The following LSAMP variants were observed in gnomAD, a reference collection of about 807,000 sequenced individuals.
LSAMP encodes the protein limbic system-associated membrane protein.
LSAMP carries 7 observed loss-of-function variants against 38.6 expected under a neutral mutation model. The observed-to-expected ratio is 0.18, with a 90% confidence interval of 0.10 to 0.34. LSAMP has a LOEUF of 0.34. LSAMP is among the 10% of genes least tolerant of loss of function. LSAMP has a pLI of 1.00. For synonymous variants in LSAMP, 154 were observed against 166.8 expected (o/e 0.92, Z 0.59); for missense variants, 313 against 420.0 (o/e 0.75, Z 2.23).
chr3:115,826,490 C>T (rs1333700349), intron 6 of LSAMP, among the ~76,000 whole-genome samples: 1 of 152,096 alleles, frequency 6.6e-6, no homozygotes, highest in Non-Finnish European at 1.5e-5. Context: ...TTTGTTCTCC[C>T]CAAACACCTA....
chr3:116,004,483 T>C (rs1240479142), intron 3 of LSAMP, among the ~76,000 whole-genome samples: 7 of 149,894 alleles, frequency 4.7e-5, no homozygotes, highest in Non-Finnish European at 7.4e-5. Flanking sequence ...CTATTATGCA[T>C]ACATACATGA....
chr3:116,227,611 T>C (rs948392955), intron 1 of LSAMP, among the ~76,000 whole-genome samples: 1 of 150,684 alleles, frequency 6.6e-6, no homozygotes, highest in African/African-American at 2.4e-5. Context: ...CTTACCCTTC[T>C]CCATTTTTTT....
chr3:116,240,505 T>G (rs2046518877), intron 1 of LSAMP, among the ~76,000 whole-genome samples: 1 of 152,160 alleles, frequency 6.6e-6, no homozygotes, highest in African/African-American at 2.4e-5. Flanking sequence ...CTAAGTATGG[T>G]TGGCACAATG....
intron 1 of LSAMP, among the ~76,000 whole-genome samples, chr3:116,333,470 G>A (rs146578721): frequency 6.6e-6 from 1 of 150,836 alleles, no homozygotes; most frequent in African/African-American, 2.4e-5. Context: ...GGAGGCGGAG[G>A]TTGCAGTGAG....
Position 116,109,659 on chromosome 3 carries a change from A to G in LSAMP, c.156-23103T>C, listed in dbSNP as rs13081875. Among the ~76,000 whole-genome samples, 5 of 152,298 alleles carry G rather than the reference A, an allele frequency of 3.3e-5. No individual in the cohort carries two copies. In the Middle Eastern group the frequency reaches 0.017, roughly 518 times the overall value. On this transcript the variant is annotated intron_variant, in intron 1 of 6. Transcript: ENST00000490035. ...TGTCTAGTTTGTATTGGGGTCAAGC[A>G]GCATTGCAGAAGAAAATAAGGCATT...
At chr3:116,387,454 C>T (rs2048639714) in intron 1 of LSAMP, among the ~76,000 whole-genome samples, 1 of 152,098 alleles carries the variant, frequency 6.6e-6, no homozygotes, top group African/African-American at 2.4e-5. Context: ...TGAGTTTAAG[C>T]ATTCCAGAAC....
chr3:115,817,223 A>G (rs1171219441), intron 6 of LSAMP, among the ~76,000 whole-genome samples: 1 of 152,244 alleles, frequency 6.6e-6, no homozygotes, highest in Non-Finnish European at 1.5e-5. Context: ...TCTTGTTAAA[A>G]ATAGCATCTT....
intron 3 of LSAMP, among the ~76,000 whole-genome samples, chr3:115,863,179 T>C (rs1410005926): frequency 6.6e-6 from 1 of 152,194 alleles, no homozygotes; most frequent in Non-Finnish European, 1.5e-5. Flanking sequence ...TGCATGAGGA[T>C]GTTTCCTGCA....
chr3:116,239,506 T>C (rs767928676), intron 1 of LSAMP, among the ~76,000 whole-genome samples: 1 of 152,180 alleles, frequency 6.6e-6, no homozygotes, highest in Non-Finnish European at 1.5e-5. Context: ...CAAAACAAGA[T>C]AGTATATTAG....
chr3:116,412,099 G>A (rs1199689945), intron 1 of LSAMP, among the ~76,000 whole-genome samples: 2 of 151,964 alleles, frequency 1.3e-5, no homozygotes, highest in Admixed American at 6.6e-5. Flanking sequence ...GCGGACTAAG[G>A]CAGTTATATT....
intron 1 of LSAMP, among the ~76,000 whole-genome samples, chr3:116,122,705 C>G (rs1708911348): frequency 6.6e-6 from 1 of 152,076 alleles, no homozygotes; most frequent in Admixed American, 6.6e-5. Context: ...ATAAATATCT[C>G]TAAGATTCAA....
chr3:116,303,952 G>A (rs2047448304), intron 1 of LSAMP, among the ~76,000 whole-genome samples: 1 of 152,112 alleles, frequency 6.6e-6, no homozygotes, highest in Non-Finnish European at 1.5e-5. Flanking sequence ...TGCCTATGGA[G>A]GAGTGTGATA....
intron 3 of LSAMP, among the ~76,000 whole-genome samples, chr3:115,891,326 A>T (rs917143403): frequency 3.9e-5 from 6 of 152,040 alleles, no homozygotes; most frequent in Non-Finnish European, 8.8e-5. Context: ...GAAGCTTAAA[A>T]TGGGCATGCA....
chr3:116,199,381 CCT>C, intron 1 of LSAMP, among the ~76,000 whole-genome samples: 1 of 152,268 alleles, frequency 6.6e-6, no homozygotes, highest in East Asian at 1.9e-4. Flanking sequence ...TTCAATCTTA[CCT>C]CTTTTACACT....
At chr3:116,032,094 A>G (rs1271166618) in intron 2 of LSAMP, among the ~76,000 whole-genome samples, 2 of 152,146 alleles carry the variant, frequency 1.3e-5, no homozygotes, top group Admixed American at 1.3e-4. Context: ...CGAAACCTTG[A>G]ATTGATGAAT....
At position 116,086,331 on chromosome 3, in the gene LSAMP, G is replaced by T; in HGVS notation, c.381C>A (p.Ile127=). 6.2e-7 allele frequency: 1 copy of T among 1,613,636 alleles called. No homozygotes were observed. Among genetic ancestry groups the T allele is most frequent in the Non-Finnish European group, 8.5e-7 (1 of 1,179,686 alleles). ...HEPKTSQVYL[I]VQVPPKISNI... ...ATCCCACACTTTCCTTACCTTGTAC[G>T]ATCAAGTAAACTTGGGAGGTCTTGG... The change falls in exon 2 of 7, where the codon ATC becomes ATA. Residue 127 remains isoleucine (I), a synonymous_variant. Coordinates refer to ENST00000490035, the MANE Select transcript of LSAMP (RefSeq NM_002338.5).
At chr3:116,240,636 T>C (rs980704247) in intron 1 of LSAMP, among the ~76,000 whole-genome samples, 2 of 152,216 alleles carry the variant, frequency 1.3e-5, no homozygotes, top group Admixed American at 6.5e-5. Flanking sequence ...GCACCAATTG[T>C]AGAAGTTGCA....
chr3:116,045,026 A>T (rs1252625294), intron 2 of LSAMP, among the ~76,000 whole-genome samples: 2 of 152,222 alleles, frequency 1.3e-5, no homozygotes, highest in Non-Finnish European at 2.9e-5. Flanking sequence ...TGAAAATAGG[A>T]TCATTCCATA....
chr3:116,027,254 T>C (rs1940814020), intron 2 of LSAMP, among the ~76,000 whole-genome samples: 2 of 152,188 alleles, frequency 1.3e-5, no homozygotes, highest in Admixed American at 6.6e-5. Flanking sequence ...TATTTTATGC[T>C]CCTGATTTTG....
Sources: allele counts gnomAD v4.1 joint callset (sites outside exome capture counted in the v4.1 genomes callset), GRCh38; gene constraint gnomAD v4.1.1; transcripts MANE v1.5; gene names NCBI Gene and HGNC (gene_info 2026-07-23, HGNC 2026-07-21).